Variants in DNAH7 observed in about 807,000 individuals in gnomAD.
The protein encoded by DNAH7 is dynein axonemal heavy chain 7, also known as axonemal beta dynein heavy chain 7.
Under a neutral mutation model 444.6 loss-of-function variants are expected in DNAH7, and 397 were observed. The ratio of observed to expected loss-of-function variants is 0.89; its 90% confidence interval spans 0.82 to 0.97. The LOEUF (loss-of-function observed/expected upper bound fraction) is 0.97, where lower values mean the gene tolerates loss of function less well. Among genes scored for constraint, DNAH7 ranks in the 50% least tolerant of loss-of-function variants. The pLI is 0.00. For missense variants in DNAH7, 4,902 were observed against 4,800.8 expected, an observed-to-expected ratio of 1.02 and a Z score of -0.62; for synonymous variants, 1,636 against 1,624.4, an observed-to-expected ratio of 1.01 and a Z score of -0.17.
chr2:195,929,030 G>A (rs1285980122), intron 21 of DNAH7, among the ~76,000 whole-genome samples: 2 of 152,034 alleles, frequency 1.3e-5, no homozygotes, highest in Admixed American at 6.6e-5. Context: ...TAAAGTTTCA[G>A]GATATAAAAT....
intron 10 of DNAH7, among the ~76,000 whole-genome samples, chr2:196,006,519 A>C (rs753426644): frequency 6.6e-6 from 1 of 152,008 alleles, no homozygotes. Context: ...CTTCTATTCA[A>C]CATTGTACTG....
chr2:195,744,324 A>G (rs1422244407), intron 63 of DNAH7, among the ~76,000 whole-genome samples: 2 of 152,234 alleles, frequency 1.3e-5, no homozygotes, highest in African/African-American at 4.8e-5. Context: ...GGCGCCCGCC[A>G]TTGCCCAGGC....
At chr2:195,785,922 C>T (rs1695596214) in intron 58 of DNAH7, among the ~76,000 whole-genome samples, 1 of 151,954 alleles carries the variant, frequency 6.6e-6, no homozygotes, top group African/African-American at 2.4e-5. Flanking sequence ...TTTTTGCTCC[C>T]TTATTAGTGT....
At chr2:195,853,602 CAGAAG>C in intron 45 of DNAH7, 74 bp from the exon 46 acceptor site, 1 of 1,392,170 alleles carries the variant, frequency 7.2e-7, no homozygotes, top group Admixed American at 2.7e-5. Context: ...ATTTTACCCT[CAGAAG>C]TGAATTATTA....
chr2:195,966,276 T>C (rs1240099102), intron 17 of DNAH7, among the ~76,000 whole-genome samples: 1 of 152,182 alleles, frequency 6.6e-6, no homozygotes, highest in Non-Finnish European at 1.5e-5. Flanking sequence ...ATTCTTGTTA[T>C]TAATTTCTAG....
intron 19 of DNAH7, among the ~76,000 whole-genome samples, chr2:195,950,100 G>A (rs1044664143): frequency 6.6e-6 from 1 of 152,116 alleles, no homozygotes; most frequent in African/African-American, 2.4e-5. Flanking sequence ...TTGGTATCAG[G>A]ATGATGCTGG....
At chr2:195,790,118 T>C (rs1189796292) in intron 57 of DNAH7, among the ~76,000 whole-genome samples, 1 of 151,982 alleles carries the variant, frequency 6.6e-6, no homozygotes, top group African/African-American at 2.4e-5. Context: ...TACATTTAAC[T>C]AAGGGCTGAA....
At chr2:195,771,523 G>A in intron 61 of DNAH7, 137 bp downstream of exon 61, 1 of 673,882 alleles carries the variant, frequency 1.5e-6, no homozygotes, top group East Asian at 2.7e-5. Flanking sequence ...TCAAGGGCAA[G>A]AATTATTTTC....
chr2:195,864,067 G>C, intron 41 of DNAH7, 82 bp downstream of exon 41: 2 of 1,415,086 alleles, frequency 1.4e-6, no homozygotes, highest in Non-Finnish European at 1.9e-6. Context: ...TAAACTACAG[G>C]TTGGGAATCT....
chr2:195,802,710 A>T (rs1205868641), intron 54 of DNAH7, among the ~76,000 whole-genome samples: 3 of 152,112 alleles, frequency 2.0e-5, no homozygotes, highest in Non-Finnish European at 4.4e-5. Flanking sequence ...AAAAAAAACA[A>T]AAATTTTGTA....
intron 12 of DNAH7, among the ~76,000 whole-genome samples, chr2:195,996,982 T>C (rs1037848646): frequency 6.6e-6 from 1 of 152,164 alleles, no homozygotes; most frequent in African/African-American, 2.4e-5. Flanking sequence ...CCACCACTGT[T>C]TCCCACCTGG....
rs78418952 is a variant in DNAH7 at position 195,969,955 on chromosome 2, G to A, written c.2198C>T (p.Ala733Val). ...QILNGKLDLA[A>V]DKIEQFNAEE... ...AGAATTTTTGAATTATACCTTATCT[G>A]CAGCTAAATCCAACTTTCCATTCAG... Residue 733 changes from alanine to valine, a missense_variant, in exon 17 of 65, where the codon GCA becomes GTA. By Grantham distance (64) the Ala-to-Val change is moderately conservative. Transcript: ENST00000312428. The A allele has an allele frequency of 1.9e-6, 3 of 1,604,236 alleles. No homozygotes were observed. The highest frequency in any genetic ancestry group is 2.5e-6 in the Non-Finnish European group (3 of 1,177,510).
intron 58 of DNAH7, among the ~76,000 whole-genome samples, chr2:195,781,055 G>A (rs1206622317): frequency 6.8e-6 from 1 of 146,544 alleles, no homozygotes; most frequent in African/African-American, 2.5e-5. Context: ...AGGAGAACAC[G>A]TGTCAGTGAC....
At chr2:195,989,218 T>C (rs1693134666) in intron 12 of DNAH7, among the ~76,000 whole-genome samples, 2 of 152,238 alleles carry the variant, frequency 1.3e-5, no homozygotes, top group Non-Finnish European at 2.9e-5. Context: ...GTGGGATTGC[T>C]GTATCATATG....
At chr2:195,796,032 T>A (rs1696114785) in intron 56 of DNAH7, among the ~76,000 whole-genome samples, 1 of 152,002 alleles carries the variant, frequency 6.6e-6, no homozygotes, top group Non-Finnish European at 1.5e-5. Context: ...TACATGGAGT[T>A]TTTTTCCTGG....
chr2:195,807,224 T>C (rs773642605), intron 53 of DNAH7, among the ~76,000 whole-genome samples: 1 of 152,126 alleles, frequency 6.6e-6, no homozygotes, highest in Non-Finnish European at 1.5e-5. Flanking sequence ...TGGTGTGATC[T>C]TGGCTCACTG....
chr2:196,067,902 G>C (rs1481843178), intron 1 of DNAH7, among the ~76,000 whole-genome samples: 1 of 152,106 alleles, frequency 6.6e-6, no homozygotes. Flanking sequence ...TTATTTTCTA[G>C]CTAGCCAGAA....
Position 195,794,322 on chromosome 2 carries a change from CTT to C in DNAH7, c.10716+14_10716+15del, listed in dbSNP as rs1286550841. 3 of 1,613,776 alleles carry C rather than the reference CTT, an allele frequency of 1.9e-6. No individual in the cohort carries two copies. The highest frequency in any genetic ancestry group is 2.5e-6 in the Non-Finnish European group (3 of 1,179,842). The stretch of plus-strand genomic sequence containing the variant: ...GCTTTACAGGGCCGAGGTAACAAGA[CTT>C]AACCATTACTAACAGGCTTTTTGCA... On this transcript the variant is annotated intron_variant, in intron 57 of 64. Transcript: ENST00000312428.
chr2:195,740,677 A>T (rs1692974757), intron 64 of DNAH7, 89 bp downstream of exon 64: 1 of 272,774 alleles, frequency 3.7e-6, no homozygotes, highest in Admixed American at 5.6e-5. Context: ...ATACACATAT[A>T]TACACACAAT....
Sources: gnomAD v4.1 joint callset for allele counts (sites outside exome capture counted in the v4.1 genomes callset) on GRCh38, gnomAD v4.1.1 for gene constraint, MANE v1.5 for transcripts, NCBI Gene and HGNC (gene_info 2026-07-23, HGNC 2026-07-21) for gene names.